Variants in MCCC1 observed in about 807,000 individuals in gnomAD.
The protein encoded by MCCC1 is methylcrotonoyl-CoA carboxylase subunit alpha, mitochondrial.
MCCC1 carries 64 observed loss-of-function variants against 83.8 expected under a neutral mutation model. The observed-to-expected ratio is 0.76, with a 90% CI of 0.62 to 0.94. MCCC1 has a LOEUF of 0.94. Among genes scored for constraint, MCCC1 ranks in the 40% least tolerant of loss-of-function variants. The pLI is 0.00. For synonymous variants in MCCC1, 322 were observed against 315.4 expected (o/e 1.02, Z -0.22); for missense variants, 807 against 904.7 (o/e 0.89, Z 1.39).
At chr3:183,079,881 C>T (rs1040520163) in intron 4 of MCCC1, among the ~76,000 whole-genome samples, 6 of 152,198 alleles carry the variant, frequency 3.9e-5, no homozygotes, top group African/African-American at 1.4e-4. Context: ...AGAGGCTTCA[C>T]ACCACATGGA....
intron 1 of MCCC1, among the ~76,000 whole-genome samples, chr3:183,113,108 C>G (rs960133558): frequency 2.6e-5 from 4 of 151,122 alleles, no homozygotes; most frequent in Non-Finnish European, 5.9e-5. Context: ...CCTGTAACCT[C>G]AGCTACTCGG....
intron 1 of MCCC1, among the ~76,000 whole-genome samples, chr3:183,113,746 A>G (rs973160489): frequency 6.6e-6 from 1 of 152,090 alleles, no homozygotes; most frequent in African/African-American, 2.4e-5. Flanking sequence ...CCTTTATAAT[A>G]AACTGGTAAA....
At position 183,050,655 on chromosome 3, in the gene MCCC1, G is replaced by A. The variant is rs182280718; in HGVS notation, c.955+1504C>T. ...TGGGAGGCGGAGGTTGCAGTGAGCC[G>A]AGATCACACCATTGCATTCCAGCCT... On this transcript the variant is annotated intron_variant, in intron 9 of 18. Coordinates refer to ENST00000265594, the MANE Select transcript of MCCC1 (RefSeq NM_020166.5). 2.7e-3 allele frequency among the ~76,000 whole-genome samples: 377 copies of A among 137,620 alleles called. 4 individuals carry two copies. Among genetic ancestry groups the A allele is most frequent in the South Asian group, 4.1e-3 (18 of 4,374 alleles). The allele number at this position is 137,620 out of a possible 152,430, so 90.3% of individuals were successfully genotyped here. A position where few individuals can be genotyped will look rare whatever the true frequency, so the allele number is the denominator to read the frequency against.
intron 1 of MCCC1, chr3:183,099,009 C>T (rs573916961): frequency 1.9e-4 from 87 of 466,624 alleles, no homozygotes; most frequent in African/African-American, 1.7e-3. Flanking sequence ...ACAACGCTCC[C>T]ACCTAAGGGG....
chr3:183,090,974 G>T (rs1476338731), intron 3 of MCCC1: 1 of 456,628 alleles, frequency 2.2e-6, no homozygotes, highest in East Asian at 7.0e-5. Context: ...AACTAAGTCA[G>T]CAGATTCTGT....
At chr3:183,110,513 C>A (rs140599999) in intron 1 of MCCC1, among the ~76,000 whole-genome samples, 12,801 of 151,790 alleles carry the variant, frequency 0.084, 971 homozygotes, top group African/African-American at 0.19. Context: ...CCTGCCTCAG[C>A]CTCCTGAGTA....
At chr3:183,017,455 AC>A (rs1711741991) in intron 17 of MCCC1, 118 bp from the exon 18 acceptor site, 1 of 895,350 alleles carries the variant, frequency 1.1e-6, no homozygotes, top group Non-Finnish European at 1.8e-6. Flanking sequence ...CATGTTGCAA[AC>A]CATGAATATA....
chr3:183,028,780 G>A (rs1712811693), intron 14 of MCCC1, among the ~76,000 whole-genome samples: 1 of 152,162 alleles, frequency 6.6e-6, no homozygotes, highest in Non-Finnish European at 1.5e-5. Flanking sequence ...TTCATGAAAG[G>A]AAGAGTCAGC....
At chr3:183,031,370 C>T (rs1446129618) in intron 14 of MCCC1, among the ~76,000 whole-genome samples, 2 of 151,882 alleles carry the variant, frequency 1.3e-5, no homozygotes, top group South Asian at 2.1e-4. Flanking sequence ...TTCTGTGAAA[C>T]GTGGCCTCTA....
chr3:183,057,158 CAGG>C (rs1038201018), intron 8 of MCCC1, among the ~76,000 whole-genome samples, 150 bp downstream of exon 8: 3 of 152,204 alleles, frequency 2.0e-5, no homozygotes, highest in African/African-American at 4.8e-5. Flanking sequence ...CCCAATACCA[CAGG>C]AGGTCTTTTC....
intron 4 of MCCC1, among the ~76,000 whole-genome samples, chr3:183,074,629 G>A (rs1165277492): frequency 1.3e-5 from 2 of 152,274 alleles, no homozygotes; most frequent in Non-Finnish European, 2.9e-5. Context: ...CTAGTGACAG[G>A]AAACAATGCA....
At chr3:183,038,927 A>C (rs1353828203) in intron 12 of MCCC1, 99 bp downstream of exon 12, 2 of 1,085,236 alleles carry the variant, frequency 1.8e-6, no homozygotes, top group Non-Finnish European at 2.8e-6. Context: ...TGGAAATAGA[A>C]AATATGCTGA....
upstream of MCCC1, chr3:183,099,579 C>A (rs1719015548): frequency 2.0e-6 from 2 of 1,002,672 alleles, no homozygotes; most frequent in Non-Finnish European, 3.0e-6. Flanking sequence ...TGGGCTGATC[C>A]AAGAATGTGA....
intron 12 of MCCC1, 115 bp from the exon 13 acceptor site, chr3:183,037,549 A>T: frequency 1.1e-6 from 1 of 926,220 alleles, no homozygotes; most frequent in Non-Finnish European, 1.7e-6. Flanking sequence ...TAGGAAAAAT[A>T]AAAAACCTAC....
chr3:183,028,050 T>C (rs966857147), intron 14 of MCCC1, among the ~76,000 whole-genome samples: 19 of 152,198 alleles, frequency 1.2e-4, no homozygotes, highest in African/African-American at 4.6e-4. Context: ...AGTCAATACC[T>C]GGTTTCGAAG....
chr3:183,056,842 G>A (rs1471901815), intron 8 of MCCC1, among the ~76,000 whole-genome samples: 1 of 152,134 alleles, frequency 6.6e-6, no homozygotes, highest in East Asian at 1.9e-4. Flanking sequence ...TTATAGGCAT[G>A]CGCCACCAAG....
chr3:183,040,744 AC>A (rs1714015477), intron 11 of MCCC1, among the ~76,000 whole-genome samples: 1 of 151,108 alleles, frequency 6.6e-6, no homozygotes, highest in Admixed American at 6.6e-5. Context: ...AAACAAAAAA[AC>A]AAACAAACAA....
Position 183,037,263 on chromosome 3 carries a change from G to A in MCCC1, c.1549C>T (p.Leu517Phe). Residue 517 changes from leucine to phenylalanine, a missense_variant, in exon 13 of 19, where the codon CTC (leucine) becomes TTC (phenylalanine). By Grantham distance (22) the Leu-to-Phe change is conservative. Transcript: ENST00000265594. ...SLCQAALGLI[L>F]KEKAMTDTFT... ...GTGTCGGTCATGGCTTTCTCCTTGA[G>A]GATGAGACCCAGGGCTGCCTGGCAT... is the stretch of plus-strand genomic sequence containing the variant. 2 of 1,614,050 alleles carry A rather than the reference G, an allele frequency of 1.2e-6. No homozygotes were observed. Among genetic ancestry groups the A allele is most frequent in the Non-Finnish European group, 1.7e-6 (2 of 1,180,042 alleles).
intron 7 of MCCC1, among the ~76,000 whole-genome samples, chr3:183,065,007 T>C (rs1158957779): frequency 6.6e-6 from 1 of 152,222 alleles, no homozygotes; most frequent in Non-Finnish European, 1.5e-5. Context: ...GTTTATCTCC[T>C]CTGTAAAGTT....
Sources: allele counts gnomAD v4.1 joint callset (sites outside exome capture counted in the v4.1 genomes callset), GRCh38; gene constraint gnomAD v4.1.1; transcripts MANE v1.5; gene names NCBI Gene and HGNC (gene_info 2026-07-23, HGNC 2026-07-21).